The following UBE2E3 variants were observed in gnomAD, a reference collection of about 807,000 sequenced individuals.
UBE2E3 encodes the protein ubiquitin-conjugating enzyme E2 E3.
In UBE2E3, 5 loss-of-function variants were observed where a neutral mutation model predicts 23.6. The ratio of observed to expected loss-of-function variants is 0.21; its 90% CI spans 0.11 to 0.44. The LOEUF (loss-of-function observed/expected upper bound fraction) is 0.44, where lower values mean the gene tolerates loss of function less well. Ranked by LOEUF, UBE2E3 falls within the 20% of genes least tolerant of loss-of-function variation. The pLI, the probability that UBE2E3 is intolerant of heterozygous loss-of-function variation, is 0.99. For synonymous variants in UBE2E3, 78 were observed against 87.5 expected, an observed-to-expected ratio of 0.89 and a Z score of 0.60; for missense variants, 81 against 249.8, an observed-to-expected ratio of 0.32 and a Z score of 4.55.
At chr2:181,017,611 A>G (rs73974706) in intron 3 of UBE2E3, among the ~76,000 whole-genome samples, 2,706 of 149,350 alleles carry the variant, frequency 0.018, 68 homozygotes, top group African/African-American at 0.063. Context: ...TCTAGACTGG[A>G]TTCATCTATG....
intron 4 of UBE2E3, among the ~76,000 whole-genome samples, chr2:181,059,675 A>G (rs375755321): frequency 5.3e-5 from 8 of 151,760 alleles, no homozygotes; most frequent in East Asian, 1.9e-4. Context: ...TCACCTTGCC[A>G]CAATTTAAGA....
intron 3 of UBE2E3, among the ~76,000 whole-genome samples, chr2:181,002,545 G>C (rs1045746966): frequency 6.6e-6 from 1 of 152,042 alleles, no homozygotes; most frequent in Non-Finnish European, 1.5e-5. Flanking sequence ...TGCATACCAC[G>C]TATGTAATTT....
At chr2:181,020,766 T>C (rs965018271) in intron 3 of UBE2E3, among the ~76,000 whole-genome samples, 25 of 152,190 alleles carry the variant, frequency 1.6e-4, no homozygotes, top group African/African-American at 5.8e-4. Flanking sequence ...TCATATGTAA[T>C]GCATAAGGAA....
At chr2:181,026,073 A>G (rs1685872660) in intron 3 of UBE2E3, among the ~76,000 whole-genome samples, 1 of 151,938 alleles carries the variant, frequency 6.6e-6, no homozygotes, top group South Asian at 2.1e-4. Context: ...CAATGACAGT[A>G]GATTTGGGGA....
intron 4 of UBE2E3, among the ~76,000 whole-genome samples, chr2:181,058,162 A>G (rs945135764): frequency 1.3e-5 from 2 of 151,796 alleles, no homozygotes; most frequent in Non-Finnish European, 2.9e-5. Context: ...TAAGGTATTA[A>G]TGAAGGTATT....
intron 3 of UBE2E3, among the ~76,000 whole-genome samples, chr2:181,056,098 A>C (rs1686981065): frequency 6.6e-6 from 1 of 151,092 alleles, no homozygotes; most frequent in African/African-American, 2.4e-5. Context: ...AAAAAAAAAA[A>C]AGATGCTAAC....
chr2:181,011,573 A>C (rs180873783), intron 3 of UBE2E3, among the ~76,000 whole-genome samples: 1 of 152,092 alleles, frequency 6.6e-6, no homozygotes, highest in East Asian at 1.9e-4. Context: ...TAAGTCAAAA[A>C]TTTTTTAAGA....
At chr2:181,002,287 TTAATC>T (rs1163574169) in intron 3 of UBE2E3, among the ~76,000 whole-genome samples, 1 of 152,242 alleles carries the variant, frequency 6.6e-6, no homozygotes, top group Non-Finnish European at 1.5e-5. Flanking sequence ...AGTTTCATGT[TTAATC>T]TATATTATTC....
At chr2:181,040,840 A>G (rs369278728) in intron 3 of UBE2E3, among the ~76,000 whole-genome samples, 2 of 152,312 alleles carry the variant, frequency 1.3e-5, no homozygotes, top group Non-Finnish European at 2.9e-5. Context: ...CCAGAGAGTT[A>G]GACTGTGCAG....
intron 3 of UBE2E3, among the ~76,000 whole-genome samples, chr2:181,011,931 G>A (rs1252823373): frequency 6.6e-6 from 1 of 152,126 alleles, no homozygotes; most frequent in Non-Finnish European, 1.5e-5. Context: ...CTGAGTGAGG[G>A]TTGTTAGGCA....
chr2:181,053,713 A>G (rs1487559947), intron 3 of UBE2E3, among the ~76,000 whole-genome samples: 2 of 151,744 alleles, frequency 1.3e-5, no homozygotes, highest in African/African-American at 2.4e-5. Flanking sequence ...TTATCATGCA[A>G]AGTCCCTAGT....
intron 3 of UBE2E3, among the ~76,000 whole-genome samples, chr2:181,024,192 A>G (rs1685802493): frequency 1.3e-5 from 2 of 152,166 alleles, no homozygotes; most frequent in Non-Finnish European, 2.9e-5. Context: ...GTTCATTAAT[A>G]TCTTCATTTG....
At chr2:181,052,164 T>C (rs1436619989) in intron 3 of UBE2E3, among the ~76,000 whole-genome samples, 1 of 151,852 alleles carries the variant, frequency 6.6e-6, no homozygotes, top group African/African-American at 2.4e-5. Context: ...ACCCACATCC[T>C]ATAAGAAAAT....
chr2:181,051,218 A>T (rs192759568), intron 3 of UBE2E3, among the ~76,000 whole-genome samples: 2 of 151,936 alleles, frequency 1.3e-5, no homozygotes, highest in East Asian at 3.9e-4. Flanking sequence ...CTTCAGCTTA[A>T]CTTTTTTCAC....
At chr2:181,001,395 C>G (rs1559116952) in intron 3 of UBE2E3, among the ~76,000 whole-genome samples, 1 of 152,088 alleles carries the variant, frequency 6.6e-6, no homozygotes, top group Non-Finnish European at 1.5e-5. Context: ...AAGAAACATA[C>G]AATTATGTTT....
intron 3 of UBE2E3, among the ~76,000 whole-genome samples, chr2:181,025,644 A>C (rs1209467115): frequency 1.3e-5 from 2 of 151,934 alleles, no homozygotes; most frequent in Non-Finnish European, 2.9e-5. Context: ...AATGAGGGAA[A>C]TATAGGGCCA....
chr2:180,989,850 T>C (rs1238618352), intron 3 of UBE2E3: 1 of 1,531,482 alleles, frequency 6.5e-7, no homozygotes, highest in African/African-American at 1.4e-5. Context: ...AATGAGTTGC[T>C]GTAACAACAG....
chr2:181,003,589 T>A (rs1685050128), intron 3 of UBE2E3, among the ~76,000 whole-genome samples: 1 of 152,242 alleles, frequency 6.6e-6, no homozygotes, highest in Non-Finnish European at 1.5e-5. Flanking sequence ...TACCTGAATG[T>A]CATAAGTCAG....
chr2:181,037,917 A>C (rs1035427245), intron 3 of UBE2E3, among the ~76,000 whole-genome samples: 1 of 152,244 alleles, frequency 6.6e-6, no homozygotes, highest in Non-Finnish European at 1.5e-5. Flanking sequence ...GCAGTGAACT[A>C]TGATCATACC....
Sources: gnomAD v4.1 joint callset for allele counts (sites outside exome capture counted in the v4.1 genomes callset) on GRCh38, gnomAD v4.1.1 for gene constraint, MANE v1.5 for transcripts, NCBI Gene and HGNC (gene_info 2026-07-23, HGNC 2026-07-21) for gene names.